The following CNTN4 variants were observed in gnomAD, a reference collection of about 807,000 sequenced individuals.
CNTN4 encodes contactin 4, also known as contactin-4.
CNTN4 carries 77 observed loss-of-function variants against 122.5 expected under a neutral mutation model. The ratio of observed to expected loss-of-function variants is 0.63; its 90% CI spans 0.52 to 0.76. CNTN4 has a LOEUF of 0.76. CNTN4 is among the 30% of genes least tolerant of loss of function. CNTN4 has a pLI of 0.00. For missense variants in CNTN4, 1,256 were observed against 1,259.1 expected, an observed-to-expected ratio of 1.00 and a Z score of 0.04; for synonymous variants, 512 against 447.0, an observed-to-expected ratio of 1.15 and a Z score of -1.83.
chr3:2,562,657 T>C (rs1402687310), intron 3 of CNTN4, among the ~76,000 whole-genome samples: 1 of 152,118 alleles, frequency 6.6e-6, no homozygotes, highest in Non-Finnish European at 1.5e-5. Context: ...TCTATGACCA[T>C]GAATAGTGCT....
intron 2 of CNTN4, among the ~76,000 whole-genome samples, chr3:2,316,442 A>G (rs929833079): frequency 1.3e-5 from 2 of 152,146 alleles, no homozygotes; most frequent in African/African-American, 4.8e-5. Flanking sequence ...TGAAACTTTT[A>G]TTAGTCTCAA....
At chr3:2,835,318 G>A (rs2093202574) in intron 7 of CNTN4, among the ~76,000 whole-genome samples, 2 of 152,184 alleles carry the variant, frequency 1.3e-5, no homozygotes, top group South Asian at 4.1e-4. Flanking sequence ...AAAAGTTTGG[G>A]AATACAAGGA....
intron 13 of CNTN4, among the ~76,000 whole-genome samples, chr3:2,962,891 T>G (rs1179494154): frequency 6.6e-6 from 1 of 152,246 alleles, no homozygotes; most frequent in Non-Finnish European, 1.5e-5. Flanking sequence ...CTTGTTCCTG[T>G]GAATCATCCA....
At chr3:2,161,138 T>C (rs998643605) in intron 2 of CNTN4, among the ~76,000 whole-genome samples, 1 of 151,934 alleles carries the variant, frequency 6.6e-6, no homozygotes, top group Non-Finnish European at 1.5e-5. Flanking sequence ...AGGGATGGTA[T>C]CTGAGGAGGT....
In CNTN4 at chr3:2,269,914, GTTTATTTATTTATTTATTTA is replaced by G. The variant is rs777408553; in HGVS notation, c.-144-69240_-144-69221del. Among the ~76,000 whole-genome samples, 10 of 54,746 alleles carry G rather than the reference GTTTATTTATTTATTTATTTA, an allele frequency of 1.8e-4. 3 individuals carry two copies. The highest frequency in any genetic ancestry group is 2.6e-4 in the Non-Finnish European group (6 of 22,978). 35.9% of individuals were successfully genotyped at this position (54,746 alleles called of 152,430 possible). Reference sequence around the variant, plus strand: ...TTATAGCCAGTTTGTTTGTTTGTTTGTTTATTTATTTATTTATTTATTTATTTATTTATTTATTTATTTTT... The same window carrying G: ...TTATAGCCAGTTTGTTTGTTTGTTTGTTTATTTATTTATTTATTTATTTTT... On this transcript the variant is annotated intron_variant, in intron 2 of 24. Coordinates refer to ENST00000418658, the MANE Select transcript of CNTN4 (RefSeq NM_175607.3).
rs567182638 is a variant in CNTN4 at position 2,642,744 on chromosome 3, A to C, written c.55+71186A>C. ...ACACACATATTTATTTCTGCACTTAAAAGATAGATACTTACATTTTTCTGT... is the reference window on the plus strand; with the variant it reads ...ACACACATATTTATTTCTGCACTTACAAGATAGATACTTACATTTTTCTGT... On this transcript the variant is annotated intron_variant, in intron 4 of 24. Coordinates refer to ENST00000418658, the MANE Select transcript of CNTN4 (RefSeq NM_175607.3). Among the ~76,000 whole-genome samples, 8 of 152,268 alleles carry C rather than the reference A, an allele frequency of 5.3e-5. No individual in the cohort carries two copies. The East Asian group carries it at 1.5e-3, about 29-fold the overall frequency.
intron 4 of CNTN4, among the ~76,000 whole-genome samples, chr3:2,584,675 T>C (rs531606778): frequency 2.8e-5 from 3 of 108,844 alleles, no homozygotes; most frequent in East Asian, 5.0e-4. Context: ...CCAGCCTGGA[T>C]GACAAAAGCA....
rs1409717102 is a variant in CNTN4 at position 2,369,202 on chromosome 3, C to T, written c.-89+29969C>T. ...CCTCCCAAAGTGCTGGGATTACAGG[C>T]GTGAGCCACCACACCTGGCCCCAAA... On this transcript the variant is annotated intron_variant, in intron 3 of 24. Coordinates refer to ENST00000418658, the MANE Select transcript of CNTN4 (RefSeq NM_175607.3). Among the ~76,000 whole-genome samples the T allele has an allele frequency of 2.6e-5, 4 of 152,108 alleles. No homozygotes were observed. The East Asian group carries it at 5.8e-4, about 22-fold the overall frequency.
intron 7 of CNTN4, among the ~76,000 whole-genome samples, chr3:2,837,217 C>T (rs2093246885): frequency 6.6e-6 from 1 of 152,162 alleles, no homozygotes; most frequent in African/African-American, 2.4e-5. Flanking sequence ...ATTTTTTGTA[C>T]TAGCCTTTCG....
intron 3 of CNTN4, among the ~76,000 whole-genome samples, chr3:2,408,295 A>T (rs1418858465): frequency 6.6e-6 from 1 of 152,188 alleles, no homozygotes; most frequent in Non-Finnish European, 1.5e-5. Context: ...GTCTCCCAGT[A>T]AACAGCAAGC....
At chr3:2,920,599 G>T (rs1416563802) in intron 12 of CNTN4, among the ~76,000 whole-genome samples, 1 of 152,096 alleles carries the variant, frequency 6.6e-6, no homozygotes, top group Non-Finnish European at 1.5e-5. Context: ...AAACAATGAT[G>T]TGTTTCTCGG....
chr3:2,555,316 G>A (rs373391456), intron 3 of CNTN4, among the ~76,000 whole-genome samples: 8 of 152,094 alleles, frequency 5.3e-5, no homozygotes, highest in East Asian at 1.9e-4. Flanking sequence ...AATTTGAGCC[G>A]TTGGCCTTAT....
intron 4 of CNTN4, among the ~76,000 whole-genome samples, chr3:2,665,641 A>G (rs528555497): frequency 2.6e-5 from 4 of 152,272 alleles, no homozygotes; most frequent in Non-Finnish European, 4.4e-5. Context: ...CAAATTCCCT[A>G]TGGGATGAGC....
intron 6 of CNTN4, among the ~76,000 whole-genome samples, chr3:2,774,915 T>C (rs535817702): frequency 3.3e-5 from 5 of 152,366 alleles, no homozygotes; most frequent in East Asian, 1.9e-4. Flanking sequence ...AGGATTCTTA[T>C]GTCAATTCCC....
chr3:2,233,744 G>T (rs949781830), intron 2 of CNTN4, among the ~76,000 whole-genome samples: 4 of 151,978 alleles, frequency 2.6e-5, no homozygotes, highest in Non-Finnish European at 5.9e-5. Context: ...AGGTCATCTA[G>T]CTTACTCCTC....
intron 2 of CNTN4, among the ~76,000 whole-genome samples, chr3:2,302,710 A>G (rs2042567811): frequency 6.6e-6 from 1 of 152,190 alleles, no homozygotes; most frequent in Admixed American, 6.5e-5. Flanking sequence ...CAAACAACTC[A>G]CCATTTCTGC....
At chr3:2,159,731 A>T (rs1416072901) in intron 2 of CNTN4, among the ~76,000 whole-genome samples, 1 of 152,038 alleles carries the variant, frequency 6.6e-6, no homozygotes, top group Non-Finnish European at 1.5e-5. Flanking sequence ...AGCCGTTAAC[A>T]CATCTAGTTT....
intron 2 of CNTN4, among the ~76,000 whole-genome samples, chr3:2,140,245 C>G (rs74683179): frequency 1.1e-4 from 17 of 152,252 alleles, no homozygotes; most frequent in African/African-American, 3.4e-4. Context: ...GACTAATACA[C>G]CACCTGAAAT....
At chr3:2,525,329 A>G (rs1170642479) in intron 3 of CNTN4, among the ~76,000 whole-genome samples, 2 of 152,150 alleles carry the variant, frequency 1.3e-5, no homozygotes, top group African/African-American at 4.8e-5. Flanking sequence ...AAAGATATTA[A>G]TATATTTCTG....
Sources: allele counts gnomAD v4.1 joint callset (sites outside exome capture counted in the v4.1 genomes callset), GRCh38; gene constraint gnomAD v4.1.1; transcripts MANE v1.5; gene names NCBI Gene and HGNC (gene_info 2026-07-23, HGNC 2026-07-21).